FTO: variants seen among roughly 807,000 people sequenced by gnomAD.
FTO encodes the protein alpha-ketoglutarate-dependent dioxygenase FTO.
In FTO, 47 loss-of-function variants were observed where a neutral mutation model predicts 63.9. That is an observed-to-expected ratio of 0.74 (90% CI 0.58 to 0.94). FTO has a LOEUF of 0.94. FTO is among the 40% of genes least tolerant of loss of function. The pLI is 0.00. For synonymous variants in FTO, 207 were observed against 224.4 expected, an observed-to-expected ratio of 0.92 and a Z score of 0.69; for missense variants, 562 against 618.1, an observed-to-expected ratio of 0.91 and a Z score of 0.96.
intron 8 of FTO, among the ~76,000 whole-genome samples, chr16:54,056,037 C>G (rs2085425195): frequency 6.6e-6 from 1 of 152,208 alleles, no homozygotes; most frequent in Non-Finnish European, 1.5e-5. Context: ...AGGGCTCATC[C>G]TCACTTACAA....
intron 8 of FTO, among the ~76,000 whole-genome samples, chr16:54,022,548 T>C (rs2084625061): frequency 1.3e-5 from 2 of 152,208 alleles, no homozygotes; most frequent in Admixed American, 6.5e-5. Context: ...TTAAAGCTGC[T>C]GGTTTGTTGA....
chr16:53,894,070 CAT>C (rs1032221878), intron 7 of FTO, among the ~76,000 whole-genome samples: 7 of 152,262 alleles, frequency 4.6e-5, no homozygotes, highest in African/African-American at 9.6e-5. Flanking sequence ...AGAGCAGAGA[CAT>C]GTGGAAAATG....
At chr16:53,744,884 T>A (rs1248746615) in intron 1 of FTO, among the ~76,000 whole-genome samples, 1 of 150,814 alleles carries the variant, frequency 6.6e-6, no homozygotes, top group Admixed American at 6.6e-5. Context: ...CCATACAACA[T>A]CTAAAAAAGG....
At chr16:54,005,177 A>G (rs1946499470) in intron 8 of FTO, among the ~76,000 whole-genome samples, 1 of 149,386 alleles carries the variant, frequency 6.7e-6, no homozygotes, top group African/African-American at 2.4e-5. Context: ...ATAGATGTTA[A>G]AGGAAGGGGA....
chr16:53,903,562 A>G (rs916550565), intron 7 of FTO, among the ~76,000 whole-genome samples: 2 of 152,096 alleles, frequency 1.3e-5, no homozygotes, highest in Admixed American at 1.3e-4. Context: ...CCCAGCTAAG[A>G]TATTCTATGT....
chr16:53,762,235 C>T, intron 1 of FTO, among the ~76,000 whole-genome samples: 1 of 152,178 alleles, frequency 6.6e-6, no homozygotes, highest in Non-Finnish European at 1.5e-5. Context: ...CCTTTCAGCA[C>T]AGGATAGCTA....
At chr16:53,705,355 C>G (rs1567912343) in intron 1 of FTO, among the ~76,000 whole-genome samples, 1 of 152,230 alleles carries the variant, frequency 6.6e-6, no homozygotes, top group Non-Finnish European at 1.5e-5. Flanking sequence ...GCTTTCACAA[C>G]CCCATTGGAT....
At chr16:54,089,798 T>A (rs2086336708) in intron 8 of FTO, among the ~76,000 whole-genome samples, 1 of 151,534 alleles carries the variant, frequency 6.6e-6, no homozygotes, top group South Asian at 2.1e-4. Context: ...ACATCATTAG[T>A]CAATAGAGAA....
chr16:53,798,786 A>G (rs1459766325), intron 1 of FTO, among the ~76,000 whole-genome samples: 2 of 152,158 alleles, frequency 1.3e-5, no homozygotes, highest in Non-Finnish European at 2.9e-5. Flanking sequence ...TAGAACCTTC[A>G]GTACAATCTG....
At chr16:53,944,449 C>T (rs769183969) in intron 8 of FTO, among the ~76,000 whole-genome samples, 16 of 152,176 alleles carry the variant, frequency 1.1e-4, no homozygotes, top group East Asian at 3.9e-4. Context: ...GAAATTTATA[C>T]GTGAGGATAG....
intron 7 of FTO, among the ~76,000 whole-genome samples, chr16:53,892,511 TC>T (rs1443945485): frequency 6.6e-6 from 1 of 152,166 alleles, no homozygotes; most frequent in Non-Finnish European, 1.5e-5. Context: ...TTTCTGAGTG[TC>T]CTCACTTTGC....
chr16:53,802,444 G>A (rs2078252716), intron 1 of FTO, among the ~76,000 whole-genome samples: 1 of 151,930 alleles, frequency 6.6e-6, no homozygotes, highest in African/African-American at 2.4e-5. Context: ...TATATGGAGG[G>A]CCAACTGTAT....
intron 7 of FTO, among the ~76,000 whole-genome samples, chr16:53,924,291 A>G (rs1348964654): frequency 6.6e-6 from 1 of 152,206 alleles, no homozygotes; most frequent in Non-Finnish European, 1.5e-5. Context: ...AACTGATCAA[A>G]GAAACATTTT....
intron 8 of FTO, among the ~76,000 whole-genome samples, chr16:54,111,482 G>T (rs1419322027): frequency 1.3e-5 from 2 of 152,108 alleles, no homozygotes; most frequent in African/African-American, 2.4e-5. Context: ...CATTTTAAAG[G>T]CAGAGTAACT....
At chr16:53,955,660 G>A (rs2082912352) in intron 8 of FTO, among the ~76,000 whole-genome samples, 1 of 152,204 alleles carries the variant, frequency 6.6e-6, no homozygotes, top group South Asian at 2.1e-4. Context: ...TGTGTTAGGT[G>A]CTGTGGAAAA....
intron 1 of FTO, among the ~76,000 whole-genome samples, chr16:53,801,574 C>T (rs528022407): frequency 6.6e-6 from 1 of 152,138 alleles, no homozygotes; most frequent in African/African-American, 2.4e-5. Context: ...TTCTTTCCAC[C>T]TGAAGATCTT....
chr16:53,704,299 T>A (rs1216777525), intron 1 of FTO, 70 bp downstream of exon 1: 6 of 1,459,308 alleles, frequency 4.1e-6, no homozygotes, highest in Non-Finnish European at 4.7e-6. Flanking sequence ...CGGAAGGGCT[T>A]GGTTTGATGG....
At chr16:54,023,810 T>G (rs1325700587) in intron 8 of FTO, among the ~76,000 whole-genome samples, 1 of 152,190 alleles carries the variant, frequency 6.6e-6, no homozygotes, top group African/African-American at 2.4e-5. Flanking sequence ...ATGGTCCCAC[T>G]CTCCTAATAC....
intron 8 of FTO, among the ~76,000 whole-genome samples, chr16:54,080,292 C>T (rs765706122): frequency 1.1e-4 from 17 of 152,142 alleles, no homozygotes; most frequent in Non-Finnish European, 2.4e-4. Context: ...TCACAACAGT[C>T]ACAGCTTGCA....
Sources: gnomAD v4.1 joint callset for allele counts (sites outside exome capture counted in the v4.1 genomes callset) on GRCh38, gnomAD v4.1.1 for gene constraint, MANE v1.5 for transcripts, NCBI Gene and HGNC (gene_info 2026-07-23, HGNC 2026-07-21) for gene names.